Variants in ELP4 observed in about 807,000 individuals in gnomAD.
ELP4 encodes elongator acetyltransferase complex subunit 4, also known as elongator complex protein 4.
ELP4 carries 51 observed loss-of-function variants against 48.9 expected under a neutral mutation model. That is an observed-to-expected ratio of 1.04 (90% CI 0.83 to 1.32). The LOEUF (loss-of-function observed/expected upper bound fraction) is 1.32. ELP4 is among the 40% of genes most tolerant of loss of function. The probability of loss-of-function intolerance (pLI) is 0.00; values close to 1 mark genes in which losing one functional copy is unlikely to be tolerated. For synonymous variants in ELP4, 210 were observed against 189.2 expected (o/e 1.11, Z -0.90); for missense variants, 519 against 514.6 (o/e 1.01, Z -0.08).
At chr11:31,767,510 T>A (rs1948066303) in intron 9 of ELP4, 1 of 152,178 alleles carries the variant, frequency 6.6e-6, no homozygotes, top group South Asian at 2.1e-4. Context: ...TTCTGAATTA[T>A]CCAAGTGGAA....
At chr11:31,528,992 G>T (rs1269940671) in intron 2 of ELP4, among the ~76,000 whole-genome samples, 1 of 151,776 alleles carries the variant, frequency 6.6e-6, no homozygotes, top group African/African-American at 2.4e-5. Context: ...AACTTTGGGA[G>T]ATCTCTTAAC....
chr11:31,515,386 G>T (rs1261048114), intron 1 of ELP4, among the ~76,000 whole-genome samples: 1 of 152,132 alleles, frequency 6.6e-6, no homozygotes. Flanking sequence ...GGTCACTCAT[G>T]CCTGTAATCT....
chr11:31,538,732 T>C (rs903486383), intron 2 of ELP4, among the ~76,000 whole-genome samples: 2 of 152,036 alleles, frequency 1.3e-5, no homozygotes, highest in Non-Finnish European at 2.9e-5. Flanking sequence ...TTTATGATAT[T>C]TAAAGAATTA....
chr11:31,780,326 C>T (rs1164961894), intron 9 of ELP4, among the ~76,000 whole-genome samples: 1 of 152,154 alleles, frequency 6.6e-6, no homozygotes, highest in African/African-American at 2.4e-5. Flanking sequence ...CGCTGTTTCA[C>T]ATCGCACTGA....
chr11:31,542,834 C>T (rs908084320), intron 3 of ELP4, among the ~76,000 whole-genome samples: 6 of 151,334 alleles, frequency 4.0e-5, no homozygotes, highest in African/African-American at 1.5e-4. Flanking sequence ...TCAATTAAAA[C>T]AAAAAAGAAA....
chr11:31,700,099 C>G (rs1346580181), intron 9 of ELP4, among the ~76,000 whole-genome samples: 1 of 151,938 alleles, frequency 6.6e-6, no homozygotes, highest in Non-Finnish European at 1.5e-5. Context: ...AGAAGAATGT[C>G]CTTGTCTTAA....
At chr11:31,671,663 A>G (rs1945810278) in intron 9 of ELP4, among the ~76,000 whole-genome samples, 1 of 152,188 alleles carries the variant, frequency 6.6e-6, no homozygotes, top group African/African-American at 2.4e-5. Context: ...CCTCACAGAT[A>G]CATATGAGTA....
At chr11:31,715,749 C>T (rs2134178106) in intron 9 of ELP4, among the ~76,000 whole-genome samples, 1 of 152,270 alleles carries the variant, frequency 6.6e-6, no homozygotes, top group South Asian at 2.1e-4. Context: ...TCTTTTGCTA[C>T]TTATATGTGA....
chr11:31,686,976 G>A (rs1461382238), intron 9 of ELP4, among the ~76,000 whole-genome samples: 1 of 152,034 alleles, frequency 6.6e-6, no homozygotes, highest in Non-Finnish European at 1.5e-5. Context: ...CTGTTGCAGA[G>A]GCCAGGTGAT....
intron 7 of ELP4, among the ~76,000 whole-genome samples, chr11:31,640,946 T>G (rs1294365634): frequency 1.3e-5 from 2 of 151,890 alleles, no homozygotes; most frequent in African/African-American, 4.8e-5. Flanking sequence ...AAGCCAGGAT[T>G]CAGATGAGAA....
intron 7 of ELP4, among the ~76,000 whole-genome samples, chr11:31,637,164 A>T (rs1361435029): frequency 6.6e-6 from 1 of 151,820 alleles, no homozygotes; most frequent in East Asian, 1.9e-4. Context: ...CTCGCCAAGA[A>T]GCCTGTTAAA....
intron 3 of ELP4, among the ~76,000 whole-genome samples, chr11:31,573,357 A>T (rs754546731): frequency 1.9e-4 from 29 of 152,166 alleles, no homozygotes; most frequent in Admixed American, 3.9e-4. Flanking sequence ...TTCTTGCAGC[A>T]GCACCCTACT....
At chr11:31,516,206 A>G (rs974538496) in intron 1 of ELP4, among the ~76,000 whole-genome samples, 3 of 152,218 alleles carry the variant, frequency 2.0e-5, no homozygotes, top group Admixed American at 1.3e-4. Flanking sequence ...TCAGGAGGTT[A>G]GATAAGAAAC....
At chr11:31,728,286 A>G (rs913035736) in intron 9 of ELP4, among the ~76,000 whole-genome samples, 2 of 152,136 alleles carry the variant, frequency 1.3e-5, no homozygotes, top group African/African-American at 4.8e-5. Flanking sequence ...TATATTTATT[A>G]TAAGCATATA....
At chr11:31,550,085 T>C (rs552831769) in intron 3 of ELP4, among the ~76,000 whole-genome samples, 1 of 152,108 alleles carries the variant, frequency 6.6e-6, no homozygotes, top group African/African-American at 2.4e-5. Flanking sequence ...TGTATACATA[T>C]GTAACCTGCA....
intron 9 of ELP4, among the ~76,000 whole-genome samples, chr11:31,725,965 T>C (rs903319586): frequency 6.6e-6 from 1 of 152,238 alleles, no homozygotes; most frequent in Non-Finnish European, 1.5e-5. Context: ...AAAAATTTTT[T>C]ACATATCGGT....
intron 9 of ELP4, among the ~76,000 whole-genome samples, chr11:31,704,992 A>G (rs1946601364): frequency 6.6e-6 from 1 of 151,586 alleles, no homozygotes; most frequent in South Asian, 2.1e-4. Flanking sequence ...ACCTGGGAAC[A>G]GAGCGAGACT....
At chr11:31,727,028 T>A (rs1029699699) in intron 9 of ELP4, among the ~76,000 whole-genome samples, 1 of 152,146 alleles carries the variant, frequency 6.6e-6, no homozygotes, top group Non-Finnish European at 1.5e-5. Flanking sequence ...AGGCCAAGAA[T>A]AAGTAGCTCA....
chr11:31,535,643 G>A (rs527891281), intron 2 of ELP4, among the ~76,000 whole-genome samples: 1 of 152,178 alleles, frequency 6.6e-6, no homozygotes, highest in Non-Finnish European at 1.5e-5. Flanking sequence ...ACTGTGCCAA[G>A]CACATTTACT....
Sources: allele counts gnomAD v4.1 joint callset (sites outside exome capture counted in the v4.1 genomes callset), GRCh38; gene constraint gnomAD v4.1.1; transcripts MANE v1.5; gene names NCBI Gene and HGNC (gene_info 2026-07-23, HGNC 2026-07-21).